The following PRKDC variants were observed in gnomAD, a reference collection of about 807,000 sequenced individuals.
PRKDC encodes DNA-dependent protein kinase catalytic subunit.
PRKDC carries 82 observed loss-of-function variants against 486.9 expected under a neutral mutation model. That is an observed-to-expected ratio of 0.17 (90% CI 0.14 to 0.20). The LOEUF is 0.20. PRKDC is among the 10% of genes least tolerant of loss of function. The pLI, the probability that PRKDC is intolerant of heterozygous loss-of-function variation, is 1.00. For missense variants in PRKDC, 4,504 were observed against 5,038.2 expected (o/e 0.89, Z 3.21); for synonymous variants, 1,895 against 1,837.0 (o/e 1.03, Z -0.81).
chr8:47,824,468 CAAAAAAAAAAAAAAA>C (rs11369602), intron 63 of PRKDC, among the ~76,000 whole-genome samples: 1 of 37,690 alleles, frequency 2.7e-5, no homozygotes, highest in African/African-American at 1.1e-4. Flanking sequence ...GACTCCGCCT[CAAAAAAAAAAAAAAA>C]AAAAAAAAAA....
chr8:47,859,023 G>A, intron 46 of PRKDC, 37 bp from the exon 47 acceptor site: 7 of 1,605,956 alleles, frequency 4.4e-6, no homozygotes, highest in Non-Finnish European at 5.9e-6. Flanking sequence ...AGAGGGTACA[G>A]TTAACATTCA....
At chr8:47,856,004 CTCT>C (rs2088532900) in intron 49 of PRKDC, among the ~76,000 whole-genome samples, 1 of 152,226 alleles carries the variant, frequency 6.6e-6, no homozygotes, top group African/African-American at 2.4e-5. Context: ...CAGTTCCACT[CTCT>C]TGAGTTCAGC....
Position 47,823,823 on chromosome 8 carries a change from A to G in PRKDC, c.8922+35T>C, listed in dbSNP as rs775469693. The G allele has an allele frequency of 1.9e-6, 3 of 1,609,422 alleles. No homozygotes were observed. The South Asian group carries it at 3.3e-5, about 18-fold the overall frequency. ...GTTCAGCAGAAAACAAAAGTGTTGA[A>G]GTAAATGTCATATTTTGCCAGAGAT... On this transcript the variant is annotated intron_variant, in intron 64 of 85. Transcript: ENST00000314191.
Position 47,852,705 on chromosome 8 carries a change from G to A in PRKDC, c.6973C>T (p.Leu2325Phe). 1 of 1,578,242 alleles carries A rather than the reference G, an allele frequency of 6.3e-7. No individual in the cohort carries two copies. Among genetic ancestry groups the A allele is most frequent in the Non-Finnish European group, 8.6e-7 (1 of 1,159,954 alleles). The part of the protein sequence containing the change: ...VYAAAAEVLG[L>F]ILRYVMERKN... ...CTCTCCATAACATATCGAAGTATAA[G>A]TCCTAGAACTTCTGCTGCAGCGGCA... Residue 2325 changes from leucine to phenylalanine, a missense_variant, in exon 52 of 86, where the codon CTT becomes TTT. Around this residue, in one of 6 missense-constraint regions of PRKDC, gnomAD observed 1,592 missense variants for 1,724.6 expected, o/e 0.92. Transcript: ENST00000314191.
chr8:47,807,020 A>G, intron 69 of PRKDC, 117 bp downstream of exon 69: 1 of 1,091,964 alleles, frequency 9.2e-7, no homozygotes, highest in Admixed American at 3.2e-5. Context: ...AGAGAGAAAA[A>G]AAATAACACC....
Position 47,858,874 on chromosome 8 carries a change from C to T in PRKDC, c.6320G>A (p.Ser2107Asn), listed in dbSNP as rs372222636. The T allele has an allele frequency of 4.3e-6, 7 of 1,613,700 alleles. No homozygotes were observed. In the African/African-American group the frequency reaches 6.7e-5, roughly 15 times the overall value. Residue 2107 changes from serine to asparagine, a missense_variant, in exon 47 of 86, where the codon AGC becomes AAC. This residue lies in a region of PRKDC where 1,592 missense variants were observed against 1,724.6 expected (regional missense o/e 0.92). Coordinates refer to ENST00000314191, the MANE Select transcript of PRKDC (RefSeq NM_006904.7). ...CTCTTCTCCTTGAGGCGGGCCCAGG[C>T]TTCTGTGCATGTGCTTGACCAGGGC... Reference protein sequence around the residue: ...LTALVKHMHRSLGPPQGEEDS... With the variant: ...LTALVKHMHRNLGPPQGEEDS...
At position 47,900,368 on chromosome 8, in the gene PRKDC, C is replaced by T. The variant is rs771582404; in HGVS notation, c.3364+5G>A. 9.4e-6 allele frequency: 15 copies of T among 1,598,336 alleles called. No individual in the cohort carries two copies. The highest frequency in any genetic ancestry group is 1.7e-5 in the Admixed American group (1 of 57,398). Reference sequence around the variant, plus strand: ...ACGCACACAGAACACTGAAGCAAAACGTACCTAAGGACTTCTCATCTGCAT... The same window carrying T: ...ACGCACACAGAACACTGAAGCAAAATGTACCTAAGGACTTCTCATCTGCAT... On this transcript the variant is annotated splice_donor_5th_base_variant and intron_variant, in intron 28 of 85. Transcript: ENST00000314191.
chr8:47,892,228 T>G (rs1319080832), intron 31 of PRKDC, among the ~76,000 whole-genome samples: 1 of 152,242 alleles, frequency 6.6e-6, no homozygotes, highest in East Asian at 1.9e-4. Context: ...TCCAACCGCA[T>G]AATTTTACAT....
chr8:47,889,052 G>A lies in PRKDC; in HGVS notation c.4242C>T (p.Ile1414=). 5 of 1,613,870 alleles carry A rather than the reference G, an allele frequency of 3.1e-6. No individual in the cohort carries two copies. The highest frequency in any genetic ancestry group is 4.2e-6 in the Non-Finnish European group (5 of 1,179,856). Residue 1414 remains isoleucine, a synonymous_variant, in exon 33 of 86, where the codon ATC becomes ATT. Coordinates refer to ENST00000314191, the MANE Select transcript of PRKDC (RefSeq NM_006904.7). Reference sequence around the variant, plus strand: ...TTTTCTCTCTCAGATGGGTCTCTAGGATATCTTTGTATGGGGACATCTTTA... The same window carrying A: ...TTTTCTCTCTCAGATGGGTCTCTAGAATATCTTTGTATGGGGACATCTTTA... ...KALKMSPYKD[I]LETHLREKIT... is the part of the protein sequence containing the mutation.
At chr8:47,869,893 G>A (rs1226373083) in intron 40 of PRKDC, among the ~76,000 whole-genome samples, 1 of 152,184 alleles carries the variant, frequency 6.6e-6, no homozygotes, top group Non-Finnish European at 1.5e-5. Context: ...GCAGTAGCCA[G>A]GCAGTCCTCA....
chr8:47,869,320 G>A (rs1045724805), intron 40 of PRKDC, among the ~76,000 whole-genome samples: 7 of 151,390 alleles, frequency 4.6e-5, no homozygotes, highest in South Asian at 4.2e-4. Context: ...CTTGCAACTG[G>A]GATACCAGCT....
chr8:47,859,449 G>T (rs780054126), intron 46 of PRKDC, among the ~76,000 whole-genome samples, 162 bp downstream of exon 46: 1 of 152,192 alleles, frequency 6.6e-6, no homozygotes, highest in Non-Finnish European at 1.5e-5. Context: ...CAGAATAAAA[G>T]GCTAGGAATT....
At chr8:47,854,515 T>C (rs2088488842) in intron 50 of PRKDC, among the ~76,000 whole-genome samples, 1 of 152,048 alleles carries the variant, frequency 6.6e-6, no homozygotes. Context: ...ATTTTTTGTA[T>C]TTTTTTAGTA....
intron 40 of PRKDC, among the ~76,000 whole-genome samples, chr8:47,875,096 G>GA (rs2089062876): frequency 1.3e-5 from 2 of 152,300 alleles, no homozygotes; most frequent in African/African-American, 4.8e-5. Context: ...TTCCTTCACA[G>GA]AAAGATTTTT....
At position 47,828,301 on chromosome 8, in the gene PRKDC, C is replaced by T. The variant is rs987446036; in HGVS notation, c.8444G>A (p.Gly2815Glu). 2.5e-6 allele frequency: 4 copies of T among 1,601,064 alleles called. No homozygotes were observed. The Admixed American group carries it at 5.2e-5, about 21-fold the overall frequency. Reference sequence around the variant, plus strand: ...AAATTTATCCATCTCTTTCAAAATTCCAGAAAACAAGCTGCTAAAGAGCTG... The same window carrying T: ...AAATTTATCCATCTCTTTCAAAATTTCAGAAAACAAGCTGCTAAAGAGCTG... ...AKQLFSSLFS[G>E]ILKEMDKFKT... The change falls in exon 62 of 86, where the codon GGA becomes GAA. Residue 2815 changes from glycine (G) to glutamate (E), a missense_variant. This residue lies in a region of PRKDC where 1,592 missense variants were observed against 1,724.6 expected (regional missense o/e 0.92). Transcript: ENST00000314191.
intron 26 of PRKDC, among the ~76,000 whole-genome samples, chr8:47,903,959 C>G (rs559758498): frequency 6.6e-6 from 1 of 152,096 alleles, no homozygotes; most frequent in African/African-American, 2.4e-5. Flanking sequence ...CTCCCCTACC[C>G]GTAACATGAC....
chr8:47,944,483 T>TAA (rs2090497360), intron 7 of PRKDC, among the ~76,000 whole-genome samples: 1 of 116,828 alleles, frequency 8.6e-6, no homozygotes, highest in Non-Finnish European at 1.7e-5. Context: ...AAGAAAAAAA[T>TAA]TAAAAAAAAA....
intron 7 of PRKDC, among the ~76,000 whole-genome samples, chr8:47,949,219 A>T (rs1433011025): frequency 6.6e-6 from 1 of 152,236 alleles, no homozygotes; most frequent in Non-Finnish European, 1.5e-5. Context: ...ATCCAGGATC[A>T]TCTCTTCAGT....
chr8:47,883,570 C>T (rs1589763998), intron 36 of PRKDC, among the ~76,000 whole-genome samples: 1 of 152,206 alleles, frequency 6.6e-6, no homozygotes, highest in African/African-American at 2.4e-5. Flanking sequence ...TCCCTAGTCT[C>T]CTCCTCTTTT....
Sources: allele counts gnomAD v4.1 joint callset (sites outside exome capture counted in the v4.1 genomes callset), GRCh38; gene constraint gnomAD v4.1.1; regional missense constraint gnomAD v4.1.1; transcripts MANE v1.5; gene names NCBI Gene and HGNC (gene_info 2026-07-23, HGNC 2026-07-21).